MYO3B: variants seen among roughly 807,000 people sequenced by gnomAD.
MYO3B encodes the protein myosin IIIB.
A neutral mutation model predicts 174.6 loss-of-function variants in MYO3B; 156 were observed. The observed-to-expected ratio is 0.89, with a 90% confidence interval of 0.78 to 1.02. The LOEUF is 1.02. Ranked by LOEUF, MYO3B falls within the 50% of genes least tolerant of loss-of-function variation. MYO3B has a pLI of 0.00. For missense variants in MYO3B, 1,632 were observed against 1,639.4 expected (o/e 1.00, Z 0.08); for synonymous variants, 563 against 569.1 (o/e 0.99, Z 0.15).
rs188267803 is a variant in MYO3B at position 170,589,048 on chromosome 2, T to C, written c.3733+45060T>C. On this transcript the variant is annotated intron_variant, in intron 32 of 34. Coordinates refer to ENST00000408978, the MANE Select transcript of MYO3B (RefSeq NM_138995.5). The stretch of plus-strand genomic sequence containing the variant: ...CCTGAGGAATTAACTAATAGTTAGT[T>C]ACTGGAACTGGAACAAGAACATGTA... 3.0e-3 allele frequency among the ~76,000 whole-genome samples: 463 copies of C among 152,206 alleles called. 1 individual carries two copies. The highest frequency in any genetic ancestry group is 5.0e-3 in the Non-Finnish European group (338 of 68,010).
Position 170,654,795 on chromosome 2 carries a change from G to A in MYO3B, c.*1674G>A, listed in dbSNP as rs1317600110. ...TTTATGAAGATAAATAATGAAATGA[G>A]GTATTTAAAGATCTCAGAAATTGTA... is the stretch of plus-strand genomic sequence containing the variant. On this transcript the variant is annotated 3_prime_UTR_variant, in exon 35 of 35. Coordinates refer to ENST00000408978, the MANE Select transcript of MYO3B (RefSeq NM_138995.5). 1 of 151,610 alleles carries A rather than the reference G, an allele frequency of 6.6e-6. No individual in the cohort carries two copies. The highest frequency in any genetic ancestry group is 1.5e-5 in the Non-Finnish European group (1 of 67,960). The allele number at this position is 151,610 out of a possible 1,614,324, so 9.4% of individuals were successfully genotyped here.
chr2:170,294,398 T>C (rs1352828533), intron 7 of MYO3B, among the ~76,000 whole-genome samples: 1 of 151,684 alleles, frequency 6.6e-6, no homozygotes, highest in East Asian at 1.9e-4. Flanking sequence ...TCTAATTAGT[T>C]CCTAGTTTCT....
chr2:170,380,988 G>A (rs1432519401), intron 9 of MYO3B, among the ~76,000 whole-genome samples: 3 of 152,170 alleles, frequency 2.0e-5, no homozygotes. Flanking sequence ...AGGCACAATA[G>A]TGCATACTTC....
chr2:170,343,030 AACACACACACACACACACACACACACAC>A (rs56221872), intron 8 of MYO3B, among the ~76,000 whole-genome samples: 1 of 136,014 alleles, frequency 7.4e-6, no homozygotes, highest in Non-Finnish European at 1.6e-5. Context: ...TCGGGCCTCT[AACACACACACACACACACACACACACAC>A]ACACACACAC....
chr2:170,538,382 T>A (rs1381993828), intron 30 of MYO3B, among the ~76,000 whole-genome samples: 1 of 152,214 alleles, frequency 6.6e-6, no homozygotes, highest in African/African-American at 2.4e-5. Flanking sequence ...CTCCCCAAAA[T>A]CATCATCCCT....
At chr2:170,289,242 C>A (rs2093578891) in intron 7 of MYO3B, among the ~76,000 whole-genome samples, 1 of 151,966 alleles carries the variant, frequency 6.6e-6, no homozygotes, top group Admixed American at 6.6e-5. Context: ...GGGAAGTACT[C>A]CCTTGTCTTC....
chr2:170,538,557 A>G (rs575466878), intron 30 of MYO3B, among the ~76,000 whole-genome samples: 6 of 152,318 alleles, frequency 3.9e-5, no homozygotes, highest in African/African-American at 1.4e-4. Flanking sequence ...GCAGCCAGCT[A>G]CTCAGGAGCC....
At chr2:170,509,435 C>A (rs901047694) in intron 28 of MYO3B, among the ~76,000 whole-genome samples, 3 of 152,182 alleles carry the variant, frequency 2.0e-5, no homozygotes, top group African/African-American at 7.2e-5. Flanking sequence ...TAGTACCTGT[C>A]AAATCTCAAA....
chr2:170,426,749 G>A (rs1439322423), intron 22 of MYO3B, among the ~76,000 whole-genome samples: 1 of 152,076 alleles, frequency 6.6e-6, no homozygotes, highest in African/African-American at 2.4e-5. Context: ...GCCAGGCGTG[G>A]CAGCTCACAC....
intron 32 of MYO3B, among the ~76,000 whole-genome samples, chr2:170,561,966 C>G (rs1691740070): frequency 6.6e-6 from 1 of 151,750 alleles, no homozygotes; most frequent in Non-Finnish European, 1.5e-5. Flanking sequence ...AAAAAAAAAC[C>G]TCAGAATTCT....
chr2:170,526,514 T>C (rs1689011193), intron 30 of MYO3B, among the ~76,000 whole-genome samples: 1 of 152,210 alleles, frequency 6.6e-6, no homozygotes. Context: ...GAGACAAATT[T>C]TATTTTCTTG....
chr2:170,568,409 T>C (rs1196737264), intron 32 of MYO3B, among the ~76,000 whole-genome samples: 1 of 152,230 alleles, frequency 6.6e-6, no homozygotes, highest in East Asian at 1.9e-4. Context: ...ACAATAAATA[T>C]TCAGAAATTT....
intron 6 of MYO3B, among the ~76,000 whole-genome samples, chr2:170,226,526 C>T (rs577845625): frequency 6.6e-6 from 1 of 152,316 alleles, no homozygotes; most frequent in African/African-American, 2.4e-5. Context: ...TGACTGGATG[C>T]AGCCCCAGGT....
chr2:170,528,427 G>C (rs1245806134), intron 30 of MYO3B, among the ~76,000 whole-genome samples: 1 of 152,080 alleles, frequency 6.6e-6, no homozygotes, highest in Non-Finnish European at 1.5e-5. Flanking sequence ...TTTTTTTTGA[G>C]ATGGAGTTTC....
At chr2:170,471,602 T>G (rs948299520) in intron 25 of MYO3B, among the ~76,000 whole-genome samples, 9 of 152,208 alleles carry the variant, frequency 5.9e-5, no homozygotes, top group Admixed American at 1.3e-4. Flanking sequence ...TCTAACATCA[T>G]TCTTTTGTAT....
intron 32 of MYO3B, among the ~76,000 whole-genome samples, chr2:170,597,372 G>GAAAAAA (rs1045370668): frequency 1.6e-5 from 1 of 61,336 alleles, no homozygotes; most frequent in Non-Finnish European, 3.7e-5. Flanking sequence ...CATCTCAAAA[G>GAAAAAA]AAAAAAAAAA....
At chr2:170,402,531 A>G (rs76716179) in intron 18 of MYO3B, among the ~76,000 whole-genome samples, 1 of 152,184 alleles carries the variant, frequency 6.6e-6, no homozygotes, top group African/African-American at 2.4e-5. Flanking sequence ...TAGGTGGGAG[A>G]ATAAATAAGC....
At chr2:170,262,150 C>G (rs1203551129) in intron 7 of MYO3B, among the ~76,000 whole-genome samples, 1 of 152,122 alleles carries the variant, frequency 6.6e-6, no homozygotes, top group Non-Finnish European at 1.5e-5. Flanking sequence ...TCCAGGGAGG[C>G]CTTGTACCTC....
chr2:170,391,695 G>A (rs2094413221), intron 15 of MYO3B, 77 bp downstream of exon 15: 2 of 850,954 alleles, frequency 2.4e-6, no homozygotes, highest in Admixed American at 2.7e-5. Flanking sequence ...AGTAAATGGA[G>A]CTGTTTTCCT....
Sources: gnomAD v4.1 joint callset for allele counts (sites outside exome capture counted in the v4.1 genomes callset) on GRCh38, gnomAD v4.1.1 for gene constraint, MANE v1.5 for transcripts, NCBI Gene and HGNC (gene_info 2026-07-23, HGNC 2026-07-21) for gene names.